The following MYLK4 variants were observed in gnomAD, a reference collection of about 807,000 sequenced individuals.
MYLK4 encodes the protein caMLCK like.
In MYLK4, 46 loss-of-function variants were observed where a neutral mutation model predicts 48.1. The observed-to-expected ratio is 0.96, with a 90% CI of 0.75 to 1.22. The LOEUF is 1.22. MYLK4 is among the 50% of genes most tolerant of loss of function. The pLI, the probability that MYLK4 is intolerant of heterozygous loss-of-function variation, is 0.00. For missense variants in MYLK4, 451 were observed against 486.1 expected (o/e 0.93, Z 0.68); for synonymous variants, 170 against 180.8 (o/e 0.94, Z 0.48).
chr6:2,692,801 C>A lies in MYLK4; in HGVS notation c.218G>T (p.Arg73Met), dbSNP rs1194225186. ...LTERMPVKSK[R>M]TSALAVDIPA... Reference sequence around the variant, plus strand: ...GATGTTACCTGCGAGGGCTGATGTCCTTTTGCTTTTGACGGGCATCCTTTC... The same window carrying A: ...GATGTTACCTGCGAGGGCTGATGTCATTTTGCTTTTGACGGGCATCCTTTC... The change falls in exon 3 of 13, where the codon AGG (arginine) becomes ATG (methionine). Residue 73 changes from arginine to methionine, a missense_variant. Coordinates refer to ENST00000274643, the MANE Select transcript of MYLK4 (RefSeq NM_001012418.5). The A allele has an allele frequency of 6.2e-7, 1 of 1,613,858 alleles. No homozygotes were observed. The highest frequency in any genetic ancestry group is 2.2e-5 in the East Asian group (1 of 44,888).
chr6:2,723,563 T>G (rs1336175548), intron 2 of MYLK4, among the ~76,000 whole-genome samples: 1 of 152,274 alleles, frequency 6.6e-6, no homozygotes, highest in Non-Finnish European at 1.5e-5. Flanking sequence ...CCCCAGGGTC[T>G]GCGTTTGCTC....
chr6:2,762,708 G>T, the MYLK4 span, among the ~76,000 whole-genome samples: 2 of 152,180 alleles, frequency 1.3e-5, no homozygotes, highest in Admixed American at 6.5e-5. Context: ...GACCCTCACG[G>T]AAACTGTTAA....
intron 2 of MYLK4, among the ~76,000 whole-genome samples, chr6:2,737,902 T>C (rs1763738482): frequency 6.8e-6 from 1 of 147,010 alleles, no homozygotes. Flanking sequence ...CATGTAGCTT[T>C]TTTTTTTTTC....
chr6:2,767,289 C>G, the MYLK4 span, among the ~76,000 whole-genome samples: 93 of 152,298 alleles, frequency 6.1e-4, no homozygotes, highest in Middle Eastern at 0.017. Context: ...ATACAGGATG[C>G]TTTTATCCAT....
At chr6:2,694,349 A>G (rs921826389) in intron 2 of MYLK4, among the ~76,000 whole-genome samples, 1 of 150,720 alleles carries the variant, frequency 6.6e-6, no homozygotes, top group Non-Finnish European at 1.5e-5. Context: ...GTCCCTTATA[A>G]CACTTTAAGC....
At chr6:2,764,049 T>C in the MYLK4 span, among the ~76,000 whole-genome samples, 7 of 152,288 alleles carry the variant, frequency 4.6e-5, no homozygotes, top group Middle Eastern at 0.014. Context: ...GCAGAATCAC[T>C]GGAACCCGGG....
At chr6:2,764,190 G>C in the MYLK4 span, among the ~76,000 whole-genome samples, 1 of 152,166 alleles carries the variant, frequency 6.6e-6, no homozygotes, top group Non-Finnish European at 1.5e-5. Context: ...GATGATTAAA[G>C]TTTAACTTGT....
chr6:2,764,058 G>C, the MYLK4 span, among the ~76,000 whole-genome samples: 26 of 152,344 alleles, frequency 1.7e-4, no homozygotes, highest in Admixed American at 7.8e-4. Flanking sequence ...CTGGAACCCG[G>C]GAGGCGGAGG....
chr6:2,676,512 C>A (rs942198142), intron 10 of MYLK4, among the ~76,000 whole-genome samples: 4 of 152,200 alleles, frequency 2.6e-5, no homozygotes, highest in Non-Finnish European at 4.4e-5. Context: ...AAAAAGTTAA[C>A]AATAACATTG....
chr6:2,710,926 G>C (rs934262768), intron 2 of MYLK4, among the ~76,000 whole-genome samples: 1 of 152,196 alleles, frequency 6.6e-6, no homozygotes, highest in Non-Finnish European at 1.5e-5. Flanking sequence ...AATAAAATTT[G>C]CCAGCCTTTC....
At chr6:2,765,184 C>T in the MYLK4 span, among the ~76,000 whole-genome samples, 2 of 72,248 alleles carry the variant, frequency 2.8e-5, no homozygotes, top group Non-Finnish European at 3.3e-5. Context: ...GCCTCGCAAC[C>T]CCCCCCCCCG....
chr6:2,766,310 A>G, the MYLK4 span: 2 of 1,609,902 alleles, frequency 1.2e-6, no homozygotes, highest in South Asian at 2.2e-5. Context: ...GCTGGCCGAC[A>G]CGATGCGTCC....
chr6:2,740,758 A>C (rs566491212), intron 2 of MYLK4, among the ~76,000 whole-genome samples: 18 of 152,282 alleles, frequency 1.2e-4, no homozygotes, highest in African/African-American at 4.1e-4. Context: ...CCTGTTCCTC[A>C]TTTTCTATAC....
chr6:2,683,146 G>A lies in MYLK4; in HGVS notation c.562C>T (p.Leu188=). 1.2e-6 allele frequency: 2 copies of A among 1,614,086 alleles called. No individual in the cohort carries two copies. The highest frequency in any genetic ancestry group is 1.1e-5 in the South Asian group (1 of 91,068). ...CTCTCATCGATGATGCGGTCAAACA[G>A]CTCCCCACCATCCACACTGCAGAGG... ...LVMEYVDGGE[L]FDRIIDESYN... The change falls in exon 7 of 13, where the codon CTG becomes TTG. Residue 188 remains leucine (L), a synonymous_variant. Coordinates refer to ENST00000274643, the MANE Select transcript of MYLK4 (RefSeq NM_001012418.5).
At position 2,723,962 on chromosome 6, in the gene MYLK4, C is replaced by T. The variant is rs530950326; in HGVS notation, c.159+25174G>A. Among the ~76,000 whole-genome samples, 42 of 152,172 alleles carry T rather than the reference C, an allele frequency of 2.8e-4. 1 individual carries two copies. The East Asian group carries it at 7.0e-3, about 25-fold the overall frequency. ...CGTGATCTCGGCTCACGGCAACCTC[C>T]GCCTCCCAGGCTCAAGTGATTCTCC... On this transcript the variant is annotated intron_variant, in intron 2 of 12. Coordinates refer to ENST00000274643, the MANE Select transcript of MYLK4 (RefSeq NM_001012418.5).
At chr6:2,746,991 T>G (rs1370767782) in intron 2 of MYLK4, among the ~76,000 whole-genome samples, 1 of 152,184 alleles carries the variant, frequency 6.6e-6, no homozygotes, top group Non-Finnish European at 1.5e-5. Flanking sequence ...ACCTATCCAT[T>G]CTCCACGTGG....
the MYLK4 span, among the ~76,000 whole-genome samples, chr6:2,759,967 C>T: frequency 6.6e-6 from 1 of 151,956 alleles, no homozygotes; most frequent in African/African-American, 2.4e-5. Flanking sequence ...CTCATCCAAC[C>T]AACAGTGGAT....
intron 2 of MYLK4, among the ~76,000 whole-genome samples, chr6:2,748,395 T>C (rs1034514837): frequency 1.3e-5 from 2 of 151,984 alleles, no homozygotes; most frequent in Admixed American, 6.6e-5. Flanking sequence ...ACGGGCAAAA[T>C]GCTTGATGCT....
intron 2 of MYLK4, among the ~76,000 whole-genome samples, chr6:2,701,277 C>A (rs772177924): frequency 5.9e-5 from 9 of 152,088 alleles, no homozygotes; most frequent in Non-Finnish European, 8.8e-5. Flanking sequence ...ATTTTAAGAT[C>A]ATTTTTTATC....
Sources: gnomAD v4.1 joint callset for allele counts (sites outside exome capture counted in the v4.1 genomes callset) on GRCh38, gnomAD v4.1.1 for gene constraint, MANE v1.5 for transcripts, NCBI Gene and HGNC (gene_info 2026-07-23, HGNC 2026-07-21) for gene names.